GCC2: variants seen among roughly 807,000 people sequenced by gnomAD.
The protein encoded by GCC2 is GRIP and coiled-coil domain-containing protein 2.
A neutral mutation model predicts 210.6 loss-of-function variants in GCC2; 120 were observed. That is an observed-to-expected ratio of 0.57 (90% CI 0.49 to 0.66). The LOEUF is 0.66. GCC2 is among the 30% of genes least tolerant of loss of function. The pLI is 0.00. For synonymous variants in GCC2, 703 were observed against 652.7 expected, an observed-to-expected ratio of 1.08 and a Z score of -1.17; for missense variants, 1,868 against 1,871.9, an observed-to-expected ratio of 1.00 and a Z score of 0.04.
intron 10 of GCC2, among the ~76,000 whole-genome samples, 175 bp from the exon 11 acceptor site, chr2:108,482,112 A>C (rs899437536): frequency 1.2e-4 from 19 of 152,210 alleles, no homozygotes; most frequent in African/African-American, 4.3e-4. Context: ...TTACCATATT[A>C]GTATTTCAAT....
At chr2:108,455,011 T>C (rs1573342074) in intron 4 of GCC2, among the ~76,000 whole-genome samples, 2 of 152,014 alleles carry the variant, frequency 1.3e-5, no homozygotes, top group East Asian at 1.9e-4. Flanking sequence ...AGAAAGTTTT[T>C]TATCCATTAA....
intron 4 of GCC2, among the ~76,000 whole-genome samples, chr2:108,456,454 T>G (rs1680284983): frequency 1.3e-5 from 2 of 152,240 alleles, no homozygotes; most frequent in African/African-American, 2.4e-5. Context: ...TTAGTGATAT[T>G]GAGTATTTTA....
rs1683329192 is a variant in GCC2, at chr2:108,508,658, A to G, written c.*1028A>G. On this transcript the variant is annotated 3_prime_UTR_variant, in exon 23 of 23. Coordinates refer to ENST00000309863, the MANE Select transcript of GCC2 (RefSeq NM_181453.4). The stretch of plus-strand genomic sequence containing the variant: ...CAGTGTTTTTGGCAGATAGTGTTCC[A>G]TAAGCTTTCCATCAGAAGGGATTTT... 1.3e-5 allele frequency: 2 copies of G among 152,356 alleles called. No homozygotes were observed. The allele number at this position is 152,356 out of a possible 1,614,324, so 9.4% of individuals were successfully genotyped here.
intron 22 of GCC2, among the ~76,000 whole-genome samples, chr2:108,503,176 AAG>A (rs1683013461): frequency 1.6e-5 from 1 of 63,350 alleles, no homozygotes; most frequent in African/African-American, 3.7e-5. Flanking sequence ...TTAAAAAAAA[AAG>A]AAGAAATCTA....
chr2:108,449,772 G>GC, intron 2 of GCC2, 83 bp downstream of exon 2: 2 of 886,922 alleles, frequency 2.3e-6, no homozygotes, highest in Non-Finnish European at 3.6e-6. Context: ...GAAGGGGGGG[G>GC]CGCTGATTTT....
chr2:108,450,639 T>C (rs1001863378), intron 2 of GCC2, among the ~76,000 whole-genome samples: 1 of 152,206 alleles, frequency 6.6e-6, no homozygotes, highest in Non-Finnish European at 1.5e-5. Context: ...CCCAACACTT[T>C]GGGAGGCCGA....
Position 108,470,346 on chromosome 2 carries a change from T to A in GCC2, c.1017T>A (p.Asp339Glu). ...ATGAAAAAGTCAAACACTTAGAAGATACCTTAAAAGAACTTGAATCTCAAC... is the reference window on the plus strand; with the variant it reads ...ATGAAAAAGTCAAACACTTAGAAGAAACCTTAAAAGAACTTGAATCTCAAC... The part of the protein sequence containing the change: ...VVNEKVKHLE[D>E]TLKELESQHS... Residue 339 changes from aspartate (D) to glutamate (E), a missense_variant, in exon 6 of 23, where the codon GAT (aspartate) becomes GAA (glutamate). Physicochemically the swap from Asp to Glu is conservative, Grantham distance 45. Coordinates refer to ENST00000309863, the MANE Select transcript of GCC2 (RefSeq NM_181453.4). 6.2e-7 allele frequency: 1 copy of A among 1,607,162 alleles called. No individual in the cohort carries two copies. The highest frequency in any genetic ancestry group is 8.5e-7 in the Non-Finnish European group (1 of 1,175,958).
chr2:108,507,036 A>G (rs969821011), intron 22 of GCC2, among the ~76,000 whole-genome samples: 13 of 152,164 alleles, frequency 8.5e-5, no homozygotes, highest in Non-Finnish European at 1.8e-4. Flanking sequence ...TTAGCTGTTA[A>G]GTTGGCTCAA....
At position 108,471,802 on chromosome 2, in the gene GCC2, C is replaced by A; in HGVS notation, c.2473C>A (p.Gln825Lys). 6.2e-7 allele frequency: 1 copy of A among 1,613,000 alleles called. No individual in the cohort carries two copies. Among genetic ancestry groups the A allele is most frequent in the South Asian group, 1.1e-5 (1 of 91,012 alleles). The change falls in exon 6 of 23, where the codon CAG becomes AAG. Residue 825 changes from glutamine to lysine, a missense_variant. Physicochemically the swap from Gln to Lys is moderately conservative, Grantham distance 53 (BLOSUM62 1). Coordinates refer to ENST00000309863, the MANE Select transcript of GCC2 (RefSeq NM_181453.4). ...GTGCCTTCAAGAAGAGAGTGTAGTT[C>A]AGTGTGAAGAACTTAAGTCTTTATT... ...IKCLQEESVVQCEELKSLLRD... is the reference protein window; with the variant it reads ...IKCLQEESVVKCEELKSLLRD...
Position 108,483,166 on chromosome 2 carries a change from G to A in GCC2, c.3450G>A (p.Lys1150=). ...KTMQELELVK[K]DAQQTTLMNM... The stretch of plus-strand genomic sequence containing the variant: ...TGCAAGAATTAGAGCTGGTTAAAAA[G>A]GTAAAATAAAACACTAGGATCAAAA... Residue 1150 remains lysine (K), a splice_region_variant and synonymous_variant, in exon 12 of 23, where the codon AAG becomes AAA. Transcript: ENST00000309863. 7.2e-7 allele frequency: 1 copy of A among 1,397,762 alleles called. No homozygotes were observed. The highest frequency in any genetic ancestry group is 1.0e-6 in the Non-Finnish European group (1 of 986,676). The allele number at this position is 1,397,762 out of a possible 1,614,324, so 86.6% of individuals were successfully genotyped here. A position where few individuals can be genotyped will look rare whatever the true frequency, so the allele number is the denominator to read the frequency against.
At chr2:108,502,466 T>C (rs1682971400) in intron 22 of GCC2, among the ~76,000 whole-genome samples, 1 of 152,216 alleles carries the variant, frequency 6.6e-6, no homozygotes, top group African/African-American at 2.4e-5. Flanking sequence ...AGATGTGCAT[T>C]TGCTAAGTCC....
intron 2 of GCC2, 107 bp from the exon 3 acceptor site, chr2:108,450,917 TAAAG>T: frequency 1.4e-6 from 1 of 704,874 alleles, no homozygotes; most frequent in East Asian, 2.7e-5. Flanking sequence ...GCGGTTGGCA[TAAAG>T]ATTTATTCTG....
intron 9 of GCC2, among the ~76,000 whole-genome samples, chr2:108,476,185 G>A (rs947171492): frequency 1.3e-5 from 2 of 148,878 alleles, no homozygotes; most frequent in African/African-American, 2.5e-5. Flanking sequence ...ACAGGCTCCC[G>A]AGTAGCTGGG....
At position 108,451,123 on chromosome 2, in the gene GCC2, G is replaced by GA. The variant is rs1296899060; in HGVS notation, c.148+15dup. The GA allele has an allele frequency of 6.7e-7, 1 of 1,483,748 alleles. No individual in the cohort carries two copies. Among genetic ancestry groups the GA allele is most frequent in the East Asian group, 2.3e-5 (1 of 44,234 alleles). The allele number at this position is 1,483,748 out of a possible 1,614,324, so 91.9% of individuals were successfully genotyped here. On this transcript the variant is annotated intron_variant, in intron 3 of 22. Transcript: ENST00000309863. ...AATCAAGGTGTACAGGTATTGGGTT[G>GA]AAAATACTCATCTTGATCACAGTCT...
At chr2:108,506,277 C>T (rs576300464) in intron 22 of GCC2, among the ~76,000 whole-genome samples, 2 of 152,340 alleles carry the variant, frequency 1.3e-5, no homozygotes, top group African/African-American at 4.8e-5. Flanking sequence ...CAATTGAATA[C>T]TGCTCAGCAA....
chr2:108,449,773 CG>C, intron 2 of GCC2, 84 bp downstream of exon 2: 2 of 1,003,138 alleles, frequency 2.0e-6, no homozygotes, highest in South Asian at 1.4e-5. Context: ...AAGGGGGGGG[CG>C]CTGATTTTTT....
Position 108,471,159 on chromosome 2 carries a change from G to C in GCC2, c.1830G>C (p.Met610Ile). The C allele has an allele frequency of 6.3e-7, 1 of 1,593,026 alleles. No individual in the cohort carries two copies. Among genetic ancestry groups the C allele is most frequent in the African/African-American group, 1.3e-5 (1 of 74,156 alleles). ...INKLKNSHEE[M>I]DNFHKKCERE... is the part of the protein sequence containing the mutation. ...AACTGAAAAATTCCCATGAAGAAATGGATAATTTCCATAAGAAATGTGAAA... is the reference window on the plus strand; with the variant it reads ...AACTGAAAAATTCCCATGAAGAAATCGATAATTTCCATAAGAAATGTGAAA... Residue 610 changes from methionine to isoleucine, a missense_variant, in exon 6 of 23, where the codon ATG becomes ATC. Physicochemically the swap from Met to Ile is conservative, Grantham distance 10 (BLOSUM62 1). Transcript: ENST00000309863.
chr2:108,487,486 T>C (rs141639646), intron 16 of GCC2, among the ~76,000 whole-genome samples: 2 of 152,316 alleles, frequency 1.3e-5, no homozygotes, highest in Non-Finnish European at 2.9e-5. Context: ...CCCATAAATA[T>C]GTACAATTAT....
intron 2 of GCC2, 107 bp downstream of exon 2, chr2:108,449,796 G>T (rs534352399): frequency 1.5e-4 from 121 of 794,850 alleles, no homozygotes; most frequent in Non-Finnish European, 2.1e-4. Context: ...TTTTTTAATA[G>T]CCTTGCTCCA....
Sources: gnomAD v4.1 joint callset for allele counts (sites outside exome capture counted in the v4.1 genomes callset) on GRCh38, gnomAD v4.1.1 for gene constraint, MANE v1.5 for transcripts, NCBI Gene and HGNC (gene_info 2026-07-23, HGNC 2026-07-21) for gene names.